The following TENM3 variants were observed in gnomAD, a reference collection of about 807,000 sequenced individuals.
The protein encoded by TENM3 is teneurin-3.
Under a neutral mutation model 255.1 loss-of-function variants are expected in TENM3, and 63 were observed. The observed-to-expected ratio is 0.25, with a 90% CI of 0.20 to 0.30. The LOEUF (loss-of-function observed/expected upper bound fraction) is 0.30. Ranked by LOEUF, TENM3 falls within the 10% of genes least tolerant of loss-of-function variation. The pLI, the probability that TENM3 is intolerant of heterozygous loss-of-function variation, is 1.00. For synonymous variants in TENM3, 1,306 were observed against 1,322.3 expected (o/e 0.99, Z 0.27); for missense variants, 2,929 against 3,461.1 (o/e 0.85, Z 3.86).
At chr4:182,744,510 A>C (rs1459421527) in intron 19 of TENM3, among the ~76,000 whole-genome samples, 1 of 152,168 alleles carries the variant, frequency 6.6e-6, no homozygotes, top group Non-Finnish European at 1.5e-5. Context: ...GAAGCACAGT[A>C]AGGAGGTTTG....
At chr4:182,339,376 C>T (rs111557396) in intron 2 of TENM3, among the ~76,000 whole-genome samples, 35 of 152,272 alleles carry the variant, frequency 2.3e-4, no homozygotes, top group African/African-American at 7.7e-4. Context: ...AGTTAAATAG[C>T]TCTAGTTTAT....
the TENM3 span, among the ~76,000 whole-genome samples, chr4:181,661,904 G>GC: frequency 1.4e-5 from 1 of 71,262 alleles, no homozygotes; most frequent in African/African-American, 5.7e-5. Flanking sequence ...CTGGCAGTTT[G>GC]TAAAAAAAAA....
the TENM3 span, among the ~76,000 whole-genome samples, chr4:181,686,107 T>C: frequency 6.6e-6 from 1 of 152,142 alleles, no homozygotes; most frequent in Non-Finnish European, 1.5e-5. Flanking sequence ...GTTTTACTCA[T>C]CTTTGTAGGC....
At chr4:181,921,530 CTGTT>C in the TENM3 span, among the ~76,000 whole-genome samples, 9 of 152,272 alleles carry the variant, frequency 5.9e-5, no homozygotes, top group South Asian at 4.1e-4. Context: ...ATTTGGCTCT[CTGTT>C]TGTCTGTTAT....
chr4:182,665,894 T>C (rs1417196643), intron 6 of TENM3, among the ~76,000 whole-genome samples: 1 of 151,692 alleles, frequency 6.6e-6, no homozygotes, highest in Non-Finnish European at 1.5e-5. Flanking sequence ...AGACTCTGTC[T>C]CAAAAAAAAA....
chr4:182,752,056 G>A, intron 20 of TENM3, 24 bp downstream of exon 20: 1 of 1,305,360 alleles, frequency 7.7e-7, no homozygotes, highest in Non-Finnish European at 1.0e-6. Flanking sequence ...GCGATTTGAG[G>A]ATTTCTTTTT....
At chr4:182,324,309 C>A in intron 2 of TENM3, 57 bp downstream of exon 2, 2 of 1,294,878 alleles carry the variant, frequency 1.5e-6, no homozygotes, top group South Asian at 2.4e-5. Flanking sequence ...TTGTAGGTGT[C>A]GTGATTTTCC....
chr4:181,649,284 T>A, the TENM3 span, among the ~76,000 whole-genome samples: 1 of 152,330 alleles, frequency 6.6e-6, no homozygotes, highest in South Asian at 2.1e-4. Flanking sequence ...GTGATTACAA[T>A]GAGTAATGTG....
the TENM3 span, among the ~76,000 whole-genome samples, chr4:181,476,617 C>T: frequency 6.6e-6 from 1 of 152,080 alleles, no homozygotes; most frequent in Admixed American, 6.6e-5. Context: ...AATTATACAT[C>T]CCATTCAAGA....
At chr4:182,137,769 G>C in the TENM3 span, among the ~76,000 whole-genome samples, 1 of 152,076 alleles carries the variant, frequency 6.6e-6, no homozygotes, top group African/African-American at 2.4e-5. Flanking sequence ...TAAAGAAACT[G>C]TATCTTTTTC....
chr4:181,896,117 A>C, the TENM3 span, among the ~76,000 whole-genome samples: 1 of 152,156 alleles, frequency 6.6e-6, no homozygotes, highest in East Asian at 1.9e-4. Flanking sequence ...ACTTACTGTC[A>C]AGTTCTGAAT....
intron 12 of TENM3, among the ~76,000 whole-genome samples, chr4:182,693,669 T>C (rs553329695): frequency 1.3e-5 from 2 of 152,288 alleles, no homozygotes; most frequent in East Asian, 1.9e-4. Context: ...ATAGTACATA[T>C]ATGAGATTTT....
chr4:181,888,859 C>G, the TENM3 span, among the ~76,000 whole-genome samples: 1 of 151,668 alleles, frequency 6.6e-6, no homozygotes, highest in South Asian at 2.1e-4. Context: ...CCAGCTCAGA[C>G]AGAAGAAAAT....
At chr4:182,220,282 C>A (rs2149955280) in intron 1 of TENM3, among the ~76,000 whole-genome samples, 1 of 145,178 alleles carries the variant, frequency 6.9e-6, no homozygotes, top group Non-Finnish European at 1.5e-5. Flanking sequence ...GAGGCTGAGG[C>A]AGGAGAATCG....
chr4:182,476,934 A>C (rs1211643775), intron 3 of TENM3, among the ~76,000 whole-genome samples: 1 of 152,214 alleles, frequency 6.6e-6, no homozygotes, highest in Non-Finnish European at 1.5e-5. Flanking sequence ...TTCTAAACCC[A>C]ATTGAAATGA....
At chr4:182,480,730 A>G (rs1734118405) in intron 3 of TENM3, among the ~76,000 whole-genome samples, 1 of 152,028 alleles carries the variant, frequency 6.6e-6, no homozygotes, top group Non-Finnish European at 1.5e-5. Flanking sequence ...AAGCATATAG[A>G]TATTTTATGA....
chr4:182,141,096 G>A (rs1579474617), upstream of TENM3: 5 of 151,894 alleles, frequency 3.3e-5, no homozygotes, highest in Admixed American at 1.3e-4. Flanking sequence ...CTTTTGGAGA[G>A]CTGCGCATCT....
chr4:181,747,376 G>A, the TENM3 span, among the ~76,000 whole-genome samples: 1 of 151,962 alleles, frequency 6.6e-6, no homozygotes, highest in Admixed American at 6.6e-5. Context: ...TGAGATCATT[G>A]TAAATTCACA....
In TENM3 at chr4:182,799,970, C is replaced by T. The variant is rs772150717; in HGVS notation, c.7719C>T (p.Asn2573=). Residue 2573 remains asparagine, a synonymous_variant, in exon 28 of 28, where the codon AAC becomes AAT. Transcript: ENST00000511685. The surrounding 1 kb of genome is among the most constrained non-coding windows in gnomAD (Gnocchi z 4.2). ...RLTSGRKALE[N]GINVTVSQST... ...CCAGCGGCCGCAAGGCGCTGGAGAA[C>T]GGCATCAACGTGACGGTGTCGCAGT... is the stretch of plus-strand genomic sequence containing the variant. 1.0e-5 allele frequency: 16 copies of T among 1,591,400 alleles called. No individual in the cohort carries two copies. The highest frequency in any genetic ancestry group is 1.8e-5 in the Admixed American group (1 of 56,482).
Sources: allele counts gnomAD v4.1 joint callset (sites outside exome capture counted in the v4.1 genomes callset), GRCh38; gene constraint gnomAD v4.1.1; non-coding constraint Gnocchi (gnomAD v3.1); transcripts MANE v1.5; gene names NCBI Gene and HGNC (gene_info 2026-07-23, HGNC 2026-07-21).